GRIK4: variants seen among roughly 807,000 people sequenced by gnomAD.
The protein encoded by GRIK4 is glutamate ionotropic receptor kainate type subunit 4, also known as glutamate receptor ionotropic, kainate 4.
GRIK4 carries 40 observed loss-of-function variants against 104.9 expected under a neutral mutation model. The observed-to-expected ratio is 0.38, with a 90% CI of 0.30 to 0.50. The LOEUF is 0.50. Ranked by LOEUF, GRIK4 falls within the 20% of genes least tolerant of loss-of-function variation. The probability of loss-of-function intolerance (pLI) is 0.93; values close to 1 mark genes in which losing one functional copy is unlikely to be tolerated. For synonymous variants in GRIK4, 485 were observed against 524.9 expected, an observed-to-expected ratio of 0.92 and a Z score of 1.04; for missense variants, 1,047 against 1,308.1, an observed-to-expected ratio of 0.80 and a Z score of 3.08.
At chr11:120,787,643 A>G (rs1476571121) in intron 3 of GRIK4, among the ~76,000 whole-genome samples, 1 of 149,272 alleles carries the variant, frequency 6.7e-6, no homozygotes, top group African/African-American at 2.5e-5. Context: ...TTGTATTTTT[A>G]GTGGAGATGG....
intron 3 of GRIK4, among the ~76,000 whole-genome samples, chr11:120,696,515 T>G: frequency 9.4e-6 from 1 of 106,822 alleles, no homozygotes; most frequent in African/African-American, 3.7e-5. Context: ...CTGTGAAGCT[T>G]AAATCTGGGG....
intron 3 of GRIK4, among the ~76,000 whole-genome samples, chr11:120,684,468 T>A (rs945820721): frequency 3.3e-5 from 5 of 152,212 alleles, no homozygotes; most frequent in Non-Finnish European, 7.3e-5. Flanking sequence ...CATTATTTGA[T>A]CCCTAACCTC....
At chr11:120,844,369 G>A (rs535540891) in intron 8 of GRIK4, among the ~76,000 whole-genome samples, 8 of 152,318 alleles carry the variant, frequency 5.3e-5, no homozygotes, top group African/African-American at 1.9e-4. Flanking sequence ...TTCATCTCAA[G>A]TGGGAATCCA....
intron 1 of GRIK4, among the ~76,000 whole-genome samples, chr11:120,547,888 G>A (rs201976587): frequency 1.3e-5 from 2 of 152,192 alleles, no homozygotes; most frequent in East Asian, 3.9e-4. Flanking sequence ...TCATTAGCGG[G>A]ATAAATATGC....
chr11:120,693,289 GA>G (rs1458520909), intron 3 of GRIK4, among the ~76,000 whole-genome samples: 3 of 151,490 alleles, frequency 2.0e-5, no homozygotes, highest in African/African-American at 4.9e-5. Context: ...ATTTTTAGTA[GA>G]GATAGGGTTT....
chr11:120,548,365 C>G, intron 1 of GRIK4, among the ~76,000 whole-genome samples: 1 of 151,930 alleles, frequency 6.6e-6, no homozygotes. Flanking sequence ...GTAGATTGTG[C>G]AAGTGGAGAC....
chr11:120,915,652 G>C (rs936205857), intron 13 of GRIK4, among the ~76,000 whole-genome samples: 1 of 152,118 alleles, frequency 6.6e-6, no homozygotes, highest in African/African-American at 2.4e-5. Flanking sequence ...TTGGCTTATA[G>C]GGGGTCTGAA....
intron 14 of GRIK4, among the ~76,000 whole-genome samples, chr11:120,951,420 G>A (rs144055525): frequency 1.3e-5 from 2 of 152,294 alleles, no homozygotes; most frequent in Admixed American, 6.5e-5. Flanking sequence ...AGTTTAGCTC[G>A]GTATTGGCAA....
chr11:120,967,104 G>A lies in GRIK4; in HGVS notation c.2267-91G>A. On this transcript the variant is annotated intron_variant, in intron 18 of 20. Transcript: ENST00000527524. The surrounding 1 kb of genome is among the most constrained non-coding windows in gnomAD (Gnocchi z 4.2). ...CCCTCTCGAGGTGAAAGCAGGCAGG[G>A]TGGCCAGGAGGTGTGCCGGGAAGGG... 1 of 1,422,430 alleles carries A rather than the reference G, an allele frequency of 7.0e-7. No homozygotes were observed. The highest frequency in any genetic ancestry group is 9.6e-7 in the Non-Finnish European group (1 of 1,040,204). The allele number at this position is 1,422,430 out of a possible 1,614,324, so 88.1% of individuals were successfully genotyped here.
chr11:120,587,610 C>G (rs1948684003), intron 1 of GRIK4, among the ~76,000 whole-genome samples: 1 of 152,136 alleles, frequency 6.6e-6, no homozygotes, highest in Admixed American at 6.5e-5. Context: ...GGTGCTTGGA[C>G]CAGTAACTTG....
intron 1 of GRIK4, among the ~76,000 whole-genome samples, chr11:120,590,909 G>A (rs1948724998): frequency 6.6e-6 from 1 of 152,074 alleles, no homozygotes; most frequent in African/African-American, 2.4e-5. Context: ...GGGACTTAAC[G>A]AATCCCCGGC....
intron 4 of GRIK4, among the ~76,000 whole-genome samples, chr11:120,803,441 GT>G (rs1952659638): frequency 2.6e-5 from 4 of 152,176 alleles, no homozygotes; most frequent in Admixed American, 2.6e-4. Context: ...GTGTTTTTTT[GT>G]TTTTGTTTTT....
At chr11:120,969,698 G>A (rs1052182934) in intron 19 of GRIK4, among the ~76,000 whole-genome samples, 16 of 152,154 alleles carry the variant, frequency 1.1e-4, no homozygotes, top group African/African-American at 3.4e-4. Flanking sequence ...AGGAAAGAGC[G>A]CCGTCTCTCC....
chr11:120,592,258 AGAT>A (rs1338631791), intron 1 of GRIK4, among the ~76,000 whole-genome samples: 1 of 152,224 alleles, frequency 6.6e-6, no homozygotes, highest in Non-Finnish European at 1.5e-5. Flanking sequence ...CCTTCTGAAA[AGAT>A]GATGAAGCAG....
intron 13 of GRIK4, among the ~76,000 whole-genome samples, chr11:120,936,814 C>T (rs1483862488): frequency 1.3e-5 from 2 of 152,134 alleles, no homozygotes; most frequent in Admixed American, 6.5e-5. Flanking sequence ...GTTCCCTGCT[C>T]TTTCCGCCTG....
chr11:120,546,285 C>A lies in GRIK4; in HGVS notation c.-159+34398C>A, dbSNP rs191308712. 3.1e-3 allele frequency among the ~76,000 whole-genome samples: 471 copies of A among 152,304 alleles called. 2 individuals carry two copies. The highest frequency in any genetic ancestry group is 3.3e-3 in the Non-Finnish European group (224 of 68,028). The stretch of plus-strand genomic sequence containing the variant: ...GGGTTTGCTCCTGCAGTCTCCCTTG[C>A]AGTCCTGGGTTAGTTCTCAGGACTG... On this transcript the variant is annotated intron_variant, in intron 1 of 20. Coordinates refer to ENST00000527524, the MANE Select transcript of GRIK4 (RefSeq NM_014619.5).
intron 1 of GRIK4, among the ~76,000 whole-genome samples, chr11:120,633,666 G>T (rs538353676): frequency 1.6e-4 from 24 of 152,294 alleles, no homozygotes; most frequent in African/African-American, 5.5e-4. Context: ...AAAGCCACAG[G>T]TCCCCTCAAA....
intron 3 of GRIK4, among the ~76,000 whole-genome samples, chr11:120,793,952 G>C (rs1465904984): frequency 2.0e-5 from 3 of 151,074 alleles, no homozygotes; most frequent in Admixed American, 6.6e-5. Flanking sequence ...TAGATGGTTT[G>C]AGGGGAAGGG....
intron 1 of GRIK4, among the ~76,000 whole-genome samples, chr11:120,517,121 A>ACCG (rs955167695): frequency 6.7e-6 from 1 of 148,850 alleles, no homozygotes; most frequent in African/African-American, 2.5e-5. Context: ...TGTGCCTGTC[A>ACCG]CCGCCGGGGA....
Sources: allele counts gnomAD v4.1 joint callset (sites outside exome capture counted in the v4.1 genomes callset), GRCh38; gene constraint gnomAD v4.1.1; non-coding constraint Gnocchi (gnomAD v3.1); transcripts MANE v1.5; gene names NCBI Gene and HGNC (gene_info 2026-07-23, HGNC 2026-07-21).